Variants in RFFL observed in about 807,000 individuals in gnomAD.
The protein encoded by RFFL is E3 ubiquitin-protein ligase rififylin.
A neutral mutation model predicts 40.4 loss-of-function variants in RFFL; 16 were observed. The observed-to-expected ratio is 0.40, with a 90% CI of 0.27 to 0.60. The LOEUF (loss-of-function observed/expected upper bound fraction) is 0.60, where lower values mean the gene tolerates loss of function less well. Among genes scored for constraint, RFFL ranks in the 20% least tolerant of loss-of-function variants. The pLI is 0.47. For synonymous variants in RFFL, 154 were observed against 167.9 expected, an observed-to-expected ratio of 0.92 and a Z score of 0.64; for missense variants, 367 against 451.7, an observed-to-expected ratio of 0.81 and a Z score of 1.70.
At chr17:35,033,111 T>G (rs528842871) in intron 1 of RFFL, among the ~76,000 whole-genome samples, 1 of 152,170 alleles carries the variant, frequency 6.6e-6, no homozygotes, top group South Asian at 2.1e-4. Flanking sequence ...GAAGATCCAG[T>G]GTCACCAGGA....
At chr17:35,050,909 T>C (rs1167566173) in intron 1 of RFFL, among the ~76,000 whole-genome samples, 1 of 151,778 alleles carries the variant, frequency 6.6e-6, no homozygotes, top group African/African-American at 2.4e-5. Context: ...GAGGCGGAGG[T>C]TGTGGTGAGC....
chr17:35,046,522 G>C (rs1162745746), intron 1 of RFFL, among the ~76,000 whole-genome samples: 1 of 152,146 alleles, frequency 6.6e-6, no homozygotes, highest in Non-Finnish European at 1.5e-5. Flanking sequence ...AGGAACCAGA[G>C]AGCAGAGGGT....
upstream of RFFL, among the ~76,000 whole-genome samples, chr17:35,065,951 G>C (rs1358813356): frequency 6.6e-6 from 1 of 151,970 alleles, no homozygotes; most frequent in Non-Finnish European, 1.5e-5. Flanking sequence ...TTCTGACTAA[G>C]TTCTTTCAAT....
At chr17:35,024,691 G>T (rs2142325736) in intron 2 of RFFL, among the ~76,000 whole-genome samples, 1 of 152,244 alleles carries the variant, frequency 6.6e-6, no homozygotes, top group East Asian at 1.9e-4. Context: ...GAAGAATAAG[G>T]AAAAGAAAAA....
chr17:35,021,874 G>A, intron 2 of RFFL, 93 bp from the exon 3 acceptor site: 1 of 1,226,238 alleles, frequency 8.2e-7, no homozygotes, highest in Non-Finnish European at 1.2e-6. Context: ...AGCCCAGCAG[G>A]ATCTCCTCCA....
chr17:35,014,887 G>A (rs2090964250), intron 5 of RFFL, 124 bp from the exon 6 acceptor site: 2 of 900,884 alleles, frequency 2.2e-6, no homozygotes, highest in Non-Finnish European at 3.7e-6. Context: ...CTTGCCAAGA[G>A]CCTAGATGGA....
intron 1 of RFFL, among the ~76,000 whole-genome samples, chr17:35,039,469 C>T (rs8067052): frequency 2.6e-5 from 4 of 152,254 alleles, no homozygotes; most frequent in African/African-American, 7.2e-5. Context: ...CCGCCCACCT[C>T]GGCCTCCCAA....
At chr17:35,068,763 G>A (rs1244180131) in intron 1 of RFFL, among the ~76,000 whole-genome samples, 2 of 152,122 alleles carry the variant, frequency 1.3e-5, no homozygotes, top group Non-Finnish European at 2.9e-5. Flanking sequence ...GAATCCAGAG[G>A]GGTCAGGACC....
chr17:35,048,455 C>A (rs558911993), intron 1 of RFFL, among the ~76,000 whole-genome samples: 1 of 152,068 alleles, frequency 6.6e-6, no homozygotes, highest in Non-Finnish European at 1.5e-5. Flanking sequence ...TATGCCAATA[C>A]CTCTAATCAG....
chr17:35,078,423 C>T (rs1188755051), intron 1 of RFFL, among the ~76,000 whole-genome samples: 1 of 152,144 alleles, frequency 6.6e-6, no homozygotes, highest in Non-Finnish European at 1.5e-5. Flanking sequence ...CCAACTCAGA[C>T]TCCTGAGTAG....
intron 1 of RFFL, among the ~76,000 whole-genome samples, chr17:35,081,041 A>C (rs944275026): frequency 4.6e-5 from 7 of 152,246 alleles, no homozygotes; most frequent in African/African-American, 1.7e-4. Flanking sequence ...TGGCGGTAGT[A>C]GCAGTTGAAA....
At chr17:35,080,940 T>C (rs2091400644) in intron 1 of RFFL, among the ~76,000 whole-genome samples, 1 of 152,240 alleles carries the variant, frequency 6.6e-6, no homozygotes, top group African/African-American at 2.4e-5. Flanking sequence ...GGTTTAACTG[T>C]AGCATTGCAG....
rs532552139 is a variant in RFFL, at chr17:35,073,129, T to C, written c.-9+15976A>G. On this transcript the variant is annotated intron_variant, in intron 1 of 6. Transcript: ENST00000315249. Reference sequence around the variant, plus strand: ...GGCAAAATGTTTATAAAGTATAGCATGTTTCATACTATTTTGCAGTCTCTA... The same window carrying C: ...GGCAAAATGTTTATAAAGTATAGCACGTTTCATACTATTTTGCAGTCTCTA... Among the ~76,000 whole-genome samples the C allele has an allele frequency of 9.5e-4, 145 of 152,214 alleles. 1 individual carries two copies. The South Asian group carries it at 0.015, about 16-fold the overall frequency.
At chr17:35,016,614 C>T in intron 4 of RFFL, 34 bp from the exon 5 acceptor site, 1 of 1,552,102 alleles carries the variant, frequency 6.4e-7, no homozygotes, top group Non-Finnish European at 8.9e-7. Flanking sequence ...GTGTGCTCAG[C>T]TCTTACCTCC....
intron 1 of RFFL, among the ~76,000 whole-genome samples, chr17:35,055,697 C>A (rs547921939): frequency 0.017 from 2,441 of 142,134 alleles, 82 homozygotes; most frequent in African/African-American, 0.056. Flanking sequence ...AACAAACAAA[C>A]AAAAAAAAAA....
intron 1 of RFFL, among the ~76,000 whole-genome samples, chr17:35,039,767 T>A (rs2091150878): frequency 6.6e-6 from 1 of 151,650 alleles, no homozygotes; most frequent in East Asian, 1.9e-4. Flanking sequence ...AACCTCTGCC[T>A]CCCGGGTTCA....
chr17:35,046,017 T>A, intron 1 of RFFL, among the ~76,000 whole-genome samples: 2 of 142,460 alleles, frequency 1.4e-5, no homozygotes, highest in Admixed American at 7.0e-5. Flanking sequence ...AGAGTGAGAC[T>A]CTGTCTCAAA....
intron 1 of RFFL, among the ~76,000 whole-genome samples, chr17:35,069,843 C>A (rs1015581003): frequency 2.6e-5 from 4 of 151,948 alleles, no homozygotes; most frequent in Non-Finnish European, 5.9e-5. Context: ...CCTCTCTCAT[C>A]CCTTTTATAA....
intron 1 of RFFL, among the ~76,000 whole-genome samples, chr17:35,042,823 C>CAAAAAAAAAAAAAAAAAAAA (rs11296826): frequency 1.7e-5 from 1 of 60,456 alleles, no homozygotes. Flanking sequence ...GACTCCATCT[C>CAAAAAAAAAAAAAAAAAAAA]AAAAAAAAAA....
Sources: gnomAD v4.1 joint callset for allele counts (sites outside exome capture counted in the v4.1 genomes callset) on GRCh38, gnomAD v4.1.1 for gene constraint, MANE v1.5 for transcripts, NCBI Gene and HGNC (gene_info 2026-07-23, HGNC 2026-07-21) for gene names.